RPRD1A: variants seen among roughly 807,000 people sequenced by gnomAD.
RPRD1A encodes the protein regulation of nuclear pre-mRNA domain containing 1A.
RPRD1A carries 9 observed loss-of-function variants against 37.8 expected under a neutral mutation model. That is an observed-to-expected ratio of 0.24 (90% CI 0.14 to 0.42). The LOEUF (loss-of-function observed/expected upper bound fraction) is 0.42, where lower values mean the gene tolerates loss of function less well. Ranked by LOEUF, RPRD1A falls within the 10% of genes least tolerant of loss-of-function variation. RPRD1A has a pLI of 1.00. For missense variants in RPRD1A, 255 were observed against 371.0 expected (o/e 0.69, Z 2.57); for synonymous variants, 138 against 139.7 (o/e 0.99, Z 0.08).
intron 6 of RPRD1A, chr18:36,024,952 T>G (rs1281637577): frequency 1.3e-5 from 2 of 152,216 alleles, no homozygotes; most frequent in Non-Finnish European, 2.9e-5. Flanking sequence ...AAAAAACAGC[T>G]GAACATAATT....
chr18:36,054,689 G>T (rs1913638523), intron 1 of RPRD1A, among the ~76,000 whole-genome samples: 1 of 152,054 alleles, frequency 6.6e-6, no homozygotes, highest in Non-Finnish European at 1.5e-5. Context: ...AGTTCAGACT[G>T]CAGGAGAGCC....
At chr18:36,060,155 G>T (rs996415595) in intron 1 of RPRD1A, among the ~76,000 whole-genome samples, 4 of 152,124 alleles carry the variant, frequency 2.6e-5, no homozygotes, top group Non-Finnish European at 4.4e-5. Context: ...CTTTTGGCCG[G>T]GTGTGGTGGC....
intron 6 of RPRD1A, among the ~76,000 whole-genome samples, chr18:35,995,260 CGTTT>C (rs1908965457): frequency 7.7e-6 from 1 of 130,414 alleles, no homozygotes; most frequent in African/African-American, 2.9e-5. Flanking sequence ...TGCTTTTTTT[CGTTT>C]TTTTTTTTTT....
chr18:36,021,015 T>A (rs1164999798), intron 6 of RPRD1A, among the ~76,000 whole-genome samples: 1 of 152,202 alleles, frequency 6.6e-6, no homozygotes, highest in Non-Finnish European at 1.5e-5. Context: ...TTACTTGTAT[T>A]ATCAACAACT....
intron 6 of RPRD1A, among the ~76,000 whole-genome samples, chr18:36,015,163 T>TACAC (rs1444544731): frequency 1.0e-5 from 1 of 98,578 alleles, no homozygotes; most frequent in African/African-American, 4.0e-5. Context: ...CACACATATA[T>TACAC]ACACATATAT....
intron 2 of RPRD1A, among the ~76,000 whole-genome samples, chr18:36,032,042 G>A (rs1406374626): frequency 2.6e-5 from 4 of 152,134 alleles, no homozygotes; most frequent in African/African-American, 7.2e-5. Flanking sequence ...CTAGTCAAAT[G>A]GCTCATTTCA....
At chr18:35,996,566 AT>A (rs1909073258) in intron 6 of RPRD1A, among the ~76,000 whole-genome samples, 1 of 152,176 alleles carries the variant, frequency 6.6e-6, no homozygotes, top group African/African-American at 2.4e-5. Flanking sequence ...AAATTAATAG[AT>A]CTTAGTTATT....
intron 1 of RPRD1A, among the ~76,000 whole-genome samples, chr18:36,060,179 C>T (rs541485978): frequency 4.6e-5 from 7 of 152,216 alleles, no homozygotes; most frequent in Non-Finnish European, 1.0e-4. Flanking sequence ...CGCTTGTAAT[C>T]CCAGCACTTT....
At chr18:36,061,850 A>G (rs2088917275) in intron 1 of RPRD1A, among the ~76,000 whole-genome samples, 1 of 152,224 alleles carries the variant, frequency 6.6e-6, no homozygotes, top group South Asian at 2.1e-4. Flanking sequence ...ACAACATCCA[A>G]ATGGCCAATA....
rs923886632 is a variant in RPRD1A at position 35,990,636 on chromosome 18, T to C, written c.*2515A>G. Reference sequence around the variant, plus strand: ...AGAGTGATGGCATCCATTCAAACCATAGCAGCCCTACGGCACCATGCTTTT... The same window carrying C: ...AGAGTGATGGCATCCATTCAAACCACAGCAGCCCTACGGCACCATGCTTTT... On this transcript the variant is annotated 3_prime_UTR_variant, in exon 7 of 7. Coordinates refer to ENST00000399022, the MANE Select transcript of RPRD1A (RefSeq NM_018170.5). 1.3e-5 allele frequency: 2 copies of C among 152,144 alleles called. No homozygotes were observed. Among genetic ancestry groups the C allele is most frequent in the Non-Finnish European group, 2.9e-5 (2 of 68,020 alleles). 9.4% of individuals were successfully genotyped at this position (152,144 alleles called of 1,614,324 possible).
At chr18:36,038,683 C>T (rs1470780059) in intron 1 of RPRD1A, among the ~76,000 whole-genome samples, 2 of 152,214 alleles carry the variant, frequency 1.3e-5, no homozygotes, top group African/African-American at 4.8e-5. Flanking sequence ...AGACAACTTG[C>T]ATTCGTGCCT....
intron 1 of RPRD1A, among the ~76,000 whole-genome samples, chr18:36,057,369 A>T (rs1913866257): frequency 6.6e-6 from 1 of 152,132 alleles, no homozygotes; most frequent in African/African-American, 2.4e-5. Context: ...GCACTTTGGG[A>T]GGCCAAAACG....
At chr18:36,028,231 T>A (rs1344315616) in intron 4 of RPRD1A, 1 of 152,072 alleles carries the variant, frequency 6.6e-6, no homozygotes, top group African/African-American at 2.4e-5. Flanking sequence ...TTAAGATTTT[T>A]AAACTATTCC....
chr18:36,001,784 T>C (rs541549584), intron 6 of RPRD1A, among the ~76,000 whole-genome samples: 2 of 152,344 alleles, frequency 1.3e-5, no homozygotes, highest in Admixed American at 1.3e-4. Context: ...CCGAATATAG[T>C]TAGGCAAACA....
chr18:36,048,156 T>A (rs1372189365), intron 1 of RPRD1A, among the ~76,000 whole-genome samples: 2 of 133,980 alleles, frequency 1.5e-5, no homozygotes, highest in Non-Finnish European at 3.1e-5. Flanking sequence ...AACCTCCACC[T>A]CCCAGGTTCA....
intron 1 of RPRD1A, among the ~76,000 whole-genome samples, chr18:36,065,174 C>A (rs1272282435): frequency 1.3e-5 from 2 of 152,210 alleles, no homozygotes; most frequent in African/African-American, 4.8e-5. Flanking sequence ...ATTCTGGACA[C>A]ACTATGACAA....
At chr18:36,055,464 A>C (rs1040471140) in intron 1 of RPRD1A, among the ~76,000 whole-genome samples, 2 of 152,226 alleles carry the variant, frequency 1.3e-5, no homozygotes, top group African/African-American at 4.8e-5. Context: ...TTAGACAATT[A>C]TTTCAAACTT....
chr18:36,007,783 C>T (rs2144186909), intron 6 of RPRD1A, among the ~76,000 whole-genome samples: 1 of 151,866 alleles, frequency 6.6e-6, no homozygotes, highest in South Asian at 2.1e-4. Flanking sequence ...ACCAAAAATA[C>T]AAAAATTAGC....
intron 1 of RPRD1A, among the ~76,000 whole-genome samples, chr18:36,065,115 G>A (rs751418062): frequency 1.9e-4 from 29 of 152,142 alleles, no homozygotes; most frequent in African/African-American, 5.1e-4. Flanking sequence ...ATAACACCGC[G>A]AGGGTCCACA....
Sources: gnomAD v4.1 joint callset for allele counts (sites outside exome capture counted in the v4.1 genomes callset) on GRCh38, gnomAD v4.1.1 for gene constraint, MANE v1.5 for transcripts, NCBI Gene and HGNC (gene_info 2026-07-23, HGNC 2026-07-21) for gene names.